LPAR3: variants seen among roughly 807,000 people sequenced by gnomAD.
LPAR3 encodes LPA receptor 3.
LPAR3 carries 7 observed loss-of-function variants against 17.8 expected under a neutral mutation model. The ratio of observed to expected loss-of-function variants is 0.39; its 90% CI spans 0.22 to 0.74. The LOEUF (loss-of-function observed/expected upper bound fraction) is 0.74. Ranked by LOEUF, LPAR3 falls within the 30% of genes least tolerant of loss-of-function variation. The pLI, the probability that LPAR3 is intolerant of heterozygous loss-of-function variation, is 0.40. For missense variants in LPAR3, 391 were observed against 453.4 expected (o/e 0.86, Z 1.25); for synonymous variants, 179 against 179.9 (o/e 0.99, Z 0.04).
chr1:84,865,560 G>A lies in LPAR3; in HGVS notation c.561C>T (p.Tyr187=). 1 of 1,614,184 alleles carries A rather than the reference G, an allele frequency of 6.2e-7. No homozygotes were observed. Among genetic ancestry groups the A allele is most frequent in the Non-Finnish European group, 8.5e-7 (1 of 1,180,040 alleles). The change falls in exon 2 of 3, where the codon TAC becomes TAT. Residue 187 remains tyrosine, a synonymous_variant. Coordinates refer to ENST00000370611, the MANE Select transcript of LPAR3 (RefSeq NM_012152.3). ...GGTTGGACACTGTCCAGAAAACAAG[G>A]TAACTCCTGCTGTAAATGGGGGCCA... ...SSLAPIYSRS[Y]LVFWTVSNLM...
chr1:84,829,913 C>T lies in LPAR3; in HGVS notation c.737-15742G>A, dbSNP rs115387254. 6.1e-3 allele frequency among the ~76,000 whole-genome samples: 934 copies of T among 151,960 alleles called. 10 individuals are homozygous for T. The highest frequency in any genetic ancestry group is 0.022 in the African/African-American group (898 of 41,442). On this transcript the variant is annotated intron_variant, in intron 2 of 2. Transcript: ENST00000370611. The stretch of plus-strand genomic sequence containing the variant: ...GACAGACAGGGCAAGCAGTACAGGG[C>T]GATGCCATTAAGGTATCCCATAAAA...
At chr1:84,820,910 AG>A (rs1216284378) in intron 2 of LPAR3, among the ~76,000 whole-genome samples, 3 of 152,216 alleles carry the variant, frequency 2.0e-5, no homozygotes, top group African/African-American at 7.2e-5. Context: ...AAATCAATTT[AG>A]TGAGTTGCAA....
chr1:84,868,254 C>T (rs1433553406), intron 1 of LPAR3, among the ~76,000 whole-genome samples: 5 of 152,102 alleles, frequency 3.3e-5, no homozygotes, highest in Non-Finnish European at 7.4e-5. Flanking sequence ...GGACCACAGG[C>T]GCATGCCAGC....
chr1:84,848,449 A>T (rs142404021), intron 2 of LPAR3, among the ~76,000 whole-genome samples: 2 of 152,290 alleles, frequency 1.3e-5, no homozygotes, highest in East Asian at 3.9e-4. Flanking sequence ...ATCCCTTGTC[A>T]TGCAGAGGCC....
chr1:84,862,202 C>G (rs1441042626), intron 2 of LPAR3, among the ~76,000 whole-genome samples: 1 of 152,222 alleles, frequency 6.6e-6, no homozygotes, highest in African/African-American at 2.4e-5. Flanking sequence ...AAAGTTCATT[C>G]TTTATCAAAA....
At chr1:84,875,333 T>C (rs1660236759) in intron 1 of LPAR3, among the ~76,000 whole-genome samples, 1 of 152,270 alleles carries the variant, frequency 6.6e-6, no homozygotes, top group Admixed American at 6.5e-5. Context: ...ACTTCTGCTA[T>C]GGTATAATTA....
chr1:84,839,661 G>T lies in LPAR3; in HGVS notation c.737-25490C>A, dbSNP rs377053822. On this transcript the variant is annotated intron_variant, in intron 2 of 2. Transcript: ENST00000370611. ...AGCCTGGATGACAGAGCAGGACCCT[G>T]TCTCTAAATAAATAAATACGTAAAA... Among the ~76,000 whole-genome samples, 14 of 150,562 alleles carry T rather than the reference G, an allele frequency of 9.3e-5. No homozygotes were observed. The East Asian group carries it at 2.5e-3, about 27-fold the overall frequency.
chr1:84,816,771 T>A (rs1210048273), intron 2 of LPAR3, among the ~76,000 whole-genome samples: 1 of 152,178 alleles, frequency 6.6e-6, no homozygotes, highest in African/African-American at 2.4e-5. Flanking sequence ...CACTCCAGCC[T>A]GGGCAATAGA....
intron 2 of LPAR3, among the ~76,000 whole-genome samples, chr1:84,824,150 C>A (rs1274188805): frequency 1.3e-5 from 2 of 152,128 alleles, no homozygotes; most frequent in Admixed American, 1.3e-4. Context: ...ACTTGACCTA[C>A]CTAGGACACA....
At chr1:84,831,745 T>C (rs531247303) in intron 2 of LPAR3, among the ~76,000 whole-genome samples, 2 of 151,390 alleles carry the variant, frequency 1.3e-5, no homozygotes, top group South Asian at 2.1e-4. Context: ...TCTTCTGTTC[T>C]AGGTTATAAT....
chr1:84,889,339 G>A (rs1345357845), intron 1 of LPAR3, among the ~76,000 whole-genome samples: 3 of 152,274 alleles, frequency 2.0e-5, no homozygotes, highest in East Asian at 1.9e-4. Context: ...GAGTAAACTA[G>A]AGACCCAAGT....
intron 1 of LPAR3, among the ~76,000 whole-genome samples, chr1:84,888,042 T>G (rs541827633): frequency 6.7e-6 from 1 of 149,616 alleles, no homozygotes; most frequent in East Asian, 2.0e-4. Context: ...AGTGCTTGCT[T>G]TTTTTTTTAT....
At position 84,813,640 on chromosome 1, in the gene LPAR3, C is replaced by T. The variant is rs910895121; in HGVS notation, c.*206G>A. 1.8e-5 allele frequency: 10 copies of T among 544,686 alleles called. No homozygotes were observed. Among genetic ancestry groups the T allele is most frequent in the East Asian group, 9.1e-5 (3 of 32,944 alleles). The allele number at this position is 544,686 out of a possible 1,614,324, so 33.7% of individuals were successfully genotyped here. A position where few individuals can be genotyped will look rare whatever the true frequency, so the allele number is the denominator to read the frequency against. Reference sequence around the variant, plus strand: ...AAGCAGGGACCCGCCGAACCTCTCCCGTTTCTGTGCTTTCTCTAAATGCAG... The same window carrying T: ...AAGCAGGGACCCGCCGAACCTCTCCTGTTTCTGTGCTTTCTCTAAATGCAG... On this transcript the variant is annotated 3_prime_UTR_variant, in exon 3 of 3. Coordinates refer to ENST00000370611, the MANE Select transcript of LPAR3 (RefSeq NM_012152.3).
At chr1:84,828,980 A>T (rs573813980) in intron 2 of LPAR3, among the ~76,000 whole-genome samples, 2 of 152,210 alleles carry the variant, frequency 1.3e-5, no homozygotes, top group South Asian at 2.1e-4. Flanking sequence ...CAAGATGGAC[A>T]TGAGCTCTTC....
At chr1:84,826,371 G>A (rs577628440) in intron 2 of LPAR3, among the ~76,000 whole-genome samples, 1 of 151,946 alleles carries the variant, frequency 6.6e-6, no homozygotes, top group Non-Finnish European at 1.5e-5. Context: ...AGGTTTTCAA[G>A]ATTATTTTTC....
intron 2 of LPAR3, among the ~76,000 whole-genome samples, chr1:84,861,401 T>A (rs1397616122): frequency 1.3e-5 from 2 of 152,122 alleles, no homozygotes; most frequent in Non-Finnish European, 2.9e-5. Flanking sequence ...AGATTCATAT[T>A]CTCTCTCTCA....
intron 1 of LPAR3, among the ~76,000 whole-genome samples, chr1:84,887,741 A>C (rs940504468): frequency 1.3e-5 from 2 of 152,084 alleles, no homozygotes; most frequent in African/African-American, 2.4e-5. Context: ...AGAATGCATG[A>C]CCTCAGTCAG....
intron 2 of LPAR3, among the ~76,000 whole-genome samples, chr1:84,846,486 T>C (rs1259605577): frequency 6.6e-6 from 1 of 152,224 alleles, no homozygotes; most frequent in Non-Finnish European, 1.5e-5. Flanking sequence ...CTCTCATTTA[T>C]AGCTACTTAT....
chr1:84,886,175 T>A (rs1332011523), intron 1 of LPAR3, among the ~76,000 whole-genome samples: 2 of 152,198 alleles, frequency 1.3e-5, no homozygotes, highest in African/African-American at 4.8e-5. Flanking sequence ...CCTTTTAATC[T>A]ACATCTTCTG....
Sources: allele counts gnomAD v4.1 joint callset (sites outside exome capture counted in the v4.1 genomes callset), GRCh38; gene constraint gnomAD v4.1.1; transcripts MANE v1.5; gene names NCBI Gene and HGNC (gene_info 2026-07-23, HGNC 2026-07-21).